PCDH15: variants seen among roughly 807,000 people sequenced by gnomAD.
PCDH15 encodes the protein protocadherin related 15, also known as protocadherin-15.
PCDH15 carries 129 observed loss-of-function variants against 178.5 expected under a neutral mutation model. The ratio of observed to expected loss-of-function variants is 0.72; its 90% CI spans 0.63 to 0.84. PCDH15 has a LOEUF of 0.84. Ranked by LOEUF, PCDH15 falls within the 40% of genes least tolerant of loss-of-function variation. The pLI is 0.00. For synonymous variants in PCDH15, 800 were observed against 732.0 expected, an observed-to-expected ratio of 1.09 and a Z score of -1.50; for missense variants, 2,230 against 2,099.9, an observed-to-expected ratio of 1.06 and a Z score of -1.21.
chr10:55,490,527 C>A (rs533570084), intron 2 of PCDH15, among the ~76,000 whole-genome samples: 1 of 151,716 alleles, frequency 6.6e-6, no homozygotes, highest in Admixed American at 6.6e-5. Context: ...TGAATATATG[C>A]GGATTGTCCT....
chr10:54,132,947 G>A lies in PCDH15; in HGVS notation c.1845C>T (p.Arg615=), dbSNP rs2042567727. 8 of 1,614,116 alleles carry A rather than the reference G, an allele frequency of 5.0e-6. No individual in the cohort carries two copies. The highest frequency in any genetic ancestry group is 6.8e-6 in the Non-Finnish European group (8 of 1,180,002). The part of the protein sequence containing the change: ...VLPPNNQSPP[R]FPQLMYSLEI... ...CAAGGCTATACATCAGCTGTGGGAA[G>A]CGAGGAGGGCTTTGATTATTTGGTG... Residue 615 remains arginine, a synonymous_variant, in exon 15 of 38, where the codon CGC becomes CGT. Coordinates refer to ENST00000644397, the MANE Select transcript of PCDH15 (RefSeq NM_001384140.1).
At chr10:54,080,625 C>T (rs189076356) in intron 16 of PCDH15, among the ~76,000 whole-genome samples, 5 of 152,072 alleles carry the variant, frequency 3.3e-5, no homozygotes, top group South Asian at 2.1e-4. Flanking sequence ...GAGTCAAAGC[C>T]GATGAATCAA....
At chr10:54,889,819 T>G (rs1236304904) in intron 3 of PCDH15, among the ~76,000 whole-genome samples, 1 of 151,814 alleles carries the variant, frequency 6.6e-6, no homozygotes, top group African/African-American at 2.4e-5. Context: ...AAATAATCAC[T>G]TTTTTATTGT....
intron 3 of PCDH15, among the ~76,000 whole-genome samples, chr10:54,502,941 C>A (rs936400699): frequency 1.6e-4 from 24 of 152,000 alleles, no homozygotes; most frequent in African/African-American, 5.8e-4. Flanking sequence ...ACATAATATG[C>A]ATTTTTTATT....
chr10:55,098,269 T>A (rs1842489865), intron 2 of PCDH15, among the ~76,000 whole-genome samples: 1 of 152,140 alleles, frequency 6.6e-6, no homozygotes, highest in Admixed American at 6.6e-5. Context: ...TCTGAAGTAG[T>A]GGAGGGCCAT....
intron 2 of PCDH15, among the ~76,000 whole-genome samples, chr10:55,152,952 GA>G (rs140863646): frequency 0.011 from 1,600 of 151,044 alleles, 16 homozygotes; most frequent in Non-Finnish European, 0.016. Flanking sequence ...TCACCACCAT[GA>G]ATTTTTTTTT....
At chr10:54,032,919 A>G (rs2093333105) in intron 18 of PCDH15, among the ~76,000 whole-genome samples, 2 of 151,956 alleles carry the variant, frequency 1.3e-5, no homozygotes, top group Admixed American at 6.6e-5. Flanking sequence ...GTGAAGAAGG[A>G]ACTCCCAATC....
At chr10:54,299,046 T>G (rs1365298663) in intron 8 of PCDH15, among the ~76,000 whole-genome samples, 1 of 152,134 alleles carries the variant, frequency 6.6e-6, no homozygotes, top group Non-Finnish European at 1.5e-5. Flanking sequence ...CCCAAGGAAG[T>G]GGCAGTCTTA....
chr10:55,098,276 C>T lies in PCDH15; in HGVS notation c.-80+68300G>A, dbSNP rs533821886. Among the ~76,000 whole-genome samples the T allele has an allele frequency of 2.6e-5, 4 of 152,162 alleles. No individual in the cohort carries two copies. The East Asian group carries it at 5.8e-4, about 22-fold the overall frequency. ...AACTTAACTCTGAAGTAGTGGAGGG[C>T]CATATGTTATTAAATGGAAGAACCA... On this transcript the variant is annotated intron_variant, in intron 2 of 5. Transcript: ENST00000458638.
chr10:55,285,749 A>G (rs956695882), intron 1 of PCDH15, among the ~76,000 whole-genome samples: 2 of 151,772 alleles, frequency 1.3e-5, no homozygotes, highest in Non-Finnish European at 2.9e-5. Context: ...AAGATGTGGT[A>G]CCTCCCTGGA....
chr10:54,271,172 T>C (rs2058024474), intron 8 of PCDH15, among the ~76,000 whole-genome samples: 1 of 152,084 alleles, frequency 6.6e-6, no homozygotes, highest in Non-Finnish European at 1.5e-5. Flanking sequence ...AATTTTAAAA[T>C]TGTTTATATT....
At chr10:55,294,956 C>T (rs1028427453) in intron 1 of PCDH15, among the ~76,000 whole-genome samples, 2 of 152,096 alleles carry the variant, frequency 1.3e-5, no homozygotes, top group Non-Finnish European at 2.9e-5. Context: ...TTTTCCTGAG[C>T]TATTTTTATT....
chr10:54,417,715 G>A (rs1245858818), intron 3 of PCDH15, among the ~76,000 whole-genome samples: 1 of 152,002 alleles, frequency 6.6e-6, no homozygotes, highest in Non-Finnish European at 1.5e-5. Context: ...ATAGCTTTTT[G>A]ATATCTTAAT....
intron 2 of PCDH15, among the ~76,000 whole-genome samples, chr10:55,347,559 C>T (rs1406118711): frequency 6.6e-6 from 1 of 152,074 alleles, no homozygotes; most frequent in Non-Finnish European, 1.5e-5. Context: ...TAGTTCTACA[C>T]ATGTACTTCA....
chr10:55,222,710 T>TACACACACACACACACACACACACACAC (rs374141989), intron 1 of PCDH15, among the ~76,000 whole-genome samples: 6 of 42,164 alleles, frequency 1.4e-4, no homozygotes, highest in African/African-American at 5.0e-4. Context: ...TATATCTTTA[T>TACACACACACACACACACACACACACAC]ACACACACAC....
At chr10:54,292,413 A>C (rs933419979) in intron 8 of PCDH15, among the ~76,000 whole-genome samples, 1 of 152,226 alleles carries the variant, frequency 6.6e-6, no homozygotes, top group Non-Finnish European at 1.5e-5. Flanking sequence ...AACTGGAACA[A>C]GACAGGGATG....
At chr10:55,364,696 C>A (rs1408683429) in intron 2 of PCDH15, among the ~76,000 whole-genome samples, 6 of 151,960 alleles carry the variant, frequency 3.9e-5, no homozygotes, top group Non-Finnish European at 8.8e-5. Flanking sequence ...CTGAGATAGT[C>A]ATGGAATGAA....
intron 8 of PCDH15, among the ~76,000 whole-genome samples, chr10:54,248,349 AAT>A (rs1320292812): frequency 1.6e-4 from 25 of 152,182 alleles, no homozygotes; most frequent in Admixed American, 1.5e-3. Flanking sequence ...ATTCACTTAA[AAT>A]AGTTATCTTA....
intron 2 of PCDH15, among the ~76,000 whole-genome samples, chr10:55,072,817 A>T (rs574533345): frequency 2.0e-5 from 3 of 151,930 alleles, no homozygotes; most frequent in East Asian, 3.9e-4. Flanking sequence ...TTAGACCAAT[A>T]TCCTTGATGA....
Sources: gnomAD v4.1 joint callset for allele counts (sites outside exome capture counted in the v4.1 genomes callset) on GRCh38, gnomAD v4.1.1 for gene constraint, MANE v1.5 for transcripts, NCBI Gene and HGNC (gene_info 2026-07-23, HGNC 2026-07-21) for gene names.